FIRRM: variants seen among roughly 807,000 people sequenced by gnomAD.
The protein encoded by FIRRM is FIGNL1 interacting regulator of recombination and mitosis.
the FIRRM span, among the ~76,000 whole-genome samples, chr1:169,818,279 T>TA: frequency 6.6e-6 from 1 of 152,188 alleles, no homozygotes; most frequent in Non-Finnish European, 1.5e-5. Context: ...GAAGTGTAGG[T>TA]AAGGTCTGAC....
the FIRRM span, chr1:169,842,586 CAAAA>C: frequency 6.3e-7 from 1 of 1,584,974 alleles, no homozygotes. Context: ...TAGAAAATAT[CAAAA>C]AAAGAGGATT....
At chr1:169,838,849 G>A in the FIRRM span, among the ~76,000 whole-genome samples, 1 of 152,038 alleles carries the variant, frequency 6.6e-6, no homozygotes, top group Non-Finnish European at 1.5e-5. Context: ...GTTTTATTGC[G>A]TGATGCTGAG....
chr1:169,821,845 C>A, the FIRRM span: 1 of 878,834 alleles, frequency 1.1e-6, no homozygotes, highest in South Asian at 1.7e-5. Context: ...ATAGAAATTT[C>A]AAGCTCAGAT....
chr1:169,852,093 T>A, the FIRRM span: 1 of 978,046 alleles, frequency 1.0e-6, no homozygotes, highest in African/African-American at 1.6e-5. Context: ...TAGTTGCTTT[T>A]AAAATTAAGA....
chr1:169,851,409 C>T, the FIRRM span: 1 of 159,314 alleles, frequency 6.3e-6, no homozygotes, highest in Non-Finnish European at 1.4e-5. Context: ...GTGGTGTGAT[C>T]ATAGCTCGCT....
At chr1:169,800,182 T>G in the FIRRM span, among the ~76,000 whole-genome samples, 2 of 152,162 alleles carry the variant, frequency 1.3e-5, no homozygotes, top group African/African-American at 2.4e-5. Context: ...CGCAGGTGCG[T>G]GCTACCATGC....
chr1:169,788,116 A>G, the FIRRM span, among the ~76,000 whole-genome samples: 1 of 152,226 alleles, frequency 6.6e-6, no homozygotes, highest in African/African-American at 2.4e-5. Context: ...CAGCACAGCC[A>G]AGGCACTTGG....
At chr1:169,842,477 G>C in the FIRRM span, 27 of 1,613,712 alleles carry the variant, frequency 1.7e-5, no homozygotes, top group Non-Finnish European at 2.2e-5. Context: ...TTTGGATACA[G>C]GAAAACAAAC....
chr1:169,801,038 T>A, the FIRRM span: 1 of 773,392 alleles, frequency 1.3e-6, no homozygotes, highest in Non-Finnish European at 2.1e-6. Context: ...TGATTTATTA[T>A]TAATTATGGC....
At chr1:169,842,893 A>G in the FIRRM span, among the ~76,000 whole-genome samples, 1 of 152,154 alleles carries the variant, frequency 6.6e-6, no homozygotes, top group East Asian at 1.9e-4. Flanking sequence ...CTTTTGGGCA[A>G]TGGAGAGTGA....
At chr1:169,821,891 C>T in the FIRRM span, 23 of 512,146 alleles carry the variant, frequency 4.5e-5, no homozygotes, top group African/African-American at 7.9e-5. Context: ...ATCTAGAAAC[C>T]GGTAAGGCTG....
chr1:169,815,376 A>T, the FIRRM span, among the ~76,000 whole-genome samples: 1 of 151,700 alleles, frequency 6.6e-6, no homozygotes, highest in Admixed American at 6.6e-5. Flanking sequence ...GGCCACTTTT[A>T]TGGCCATTTC....
chr1:169,852,368 C>T, the FIRRM span: 1 of 267,072 alleles, frequency 3.7e-6, no homozygotes, highest in Middle Eastern at 1.4e-3. Context: ...TAAGGATATT[C>T]AAAATATTGT....
the FIRRM span, among the ~76,000 whole-genome samples, chr1:169,824,462 ACGTCCTCCTACAAATAC>A: frequency 6.6e-6 from 1 of 152,200 alleles, no homozygotes; most frequent in Non-Finnish European, 1.5e-5. Context: ...TCTTGACTCT[ACGTCCTCCTACAAATAC>A]CGTCTCGTTT....
chr1:169,854,018 C>A, the FIRRM span: 1 of 578,774 alleles, frequency 1.7e-6, no homozygotes, highest in South Asian at 2.5e-5. Flanking sequence ...GACACCAAAT[C>A]CTTATTTTAA....
the FIRRM span, among the ~76,000 whole-genome samples, chr1:169,821,985 T>G: frequency 6.6e-6 from 1 of 152,216 alleles, no homozygotes; most frequent in Non-Finnish European, 1.5e-5. Context: ...TTTTATTGTA[T>G]TATAAGATAT....
At chr1:169,787,649 A>G in the FIRRM span, among the ~76,000 whole-genome samples, 3 of 152,210 alleles carry the variant, frequency 2.0e-5, no homozygotes. Context: ...TCTCAATGGT[A>G]ATGAATAAAG....
the FIRRM span, among the ~76,000 whole-genome samples, chr1:169,807,373 A>G: frequency 1.3e-5 from 2 of 152,226 alleles, no homozygotes; most frequent in African/African-American, 4.8e-5. Flanking sequence ...CCTAAGAATA[A>G]GTTAGATTAG....
chr1:169,813,363 A>G, the FIRRM span, among the ~76,000 whole-genome samples: 12 of 152,366 alleles, frequency 7.9e-5, no homozygotes, highest in East Asian at 7.7e-4. Context: ...AGATGAATCT[A>G]TAGCCCTCCC....
Sources: gnomAD v4.1 joint callset for allele counts (sites outside exome capture counted in the v4.1 genomes callset) on GRCh38, gnomAD v4.1.1 for gene constraint, MANE v1.5 for transcripts, NCBI Gene and HGNC (gene_info 2026-07-23, HGNC 2026-07-21) for gene names.